The following HIVEP3 variants were observed in gnomAD, a reference collection of about 807,000 sequenced individuals.
HIVEP3 encodes the protein transcription factor HIVEP3.
In HIVEP3, 49 loss-of-function variants were observed where a neutral mutation model predicts 152.8. The observed-to-expected ratio is 0.32, with a 90% CI of 0.26 to 0.41. HIVEP3 has a LOEUF of 0.41. HIVEP3 is among the 10% of genes least tolerant of loss of function. The pLI is 1.00. For synonymous variants in HIVEP3, 1,269 were observed against 1,289.0 expected (o/e 0.98, Z 0.33); for missense variants, 2,790 against 3,103.3 (o/e 0.90, Z 2.40).
chr1:41,920,591 G>GTTT (rs370449692), upstream of HIVEP3, among the ~76,000 whole-genome samples: 64 of 115,968 alleles, frequency 5.5e-4, no homozygotes, highest in African/African-American at 2.3e-3. Context: ...TTTTTTTTTT[G>GTTT]TTTTGTTTTT....
intron 1 of HIVEP3, among the ~76,000 whole-genome samples, chr1:41,743,833 A>C (rs1021504817): frequency 1.3e-5 from 2 of 152,066 alleles, no homozygotes. Context: ...CCTTTGCGTA[A>C]ATGTGGGCAA....
intron 1 of HIVEP3, among the ~76,000 whole-genome samples, chr1:41,743,891 G>C (rs1400961462): frequency 6.6e-6 from 1 of 152,146 alleles, no homozygotes; most frequent in African/African-American, 2.4e-5. Context: ...ATGGGGGAGG[G>C]AGGGACTCCC....
At chr1:41,744,040 T>C (rs1647033898) in intron 1 of HIVEP3, among the ~76,000 whole-genome samples, 1 of 146,364 alleles carries the variant, frequency 6.8e-6, no homozygotes, top group Non-Finnish European at 1.5e-5. Flanking sequence ...CCAGCCAGCA[T>C]TTTTTTGTTT....
intron 2 of HIVEP3, among the ~76,000 whole-genome samples, chr1:41,659,892 G>A (rs755951122): frequency 9.8e-5 from 15 of 152,336 alleles, no homozygotes; most frequent in Non-Finnish European, 1.9e-4. Flanking sequence ...CGGGGACAAG[G>A]GGACATCCCC....
At chr1:41,628,218 T>A (rs1235675450) in intron 3 of HIVEP3, among the ~76,000 whole-genome samples, 1 of 152,198 alleles carries the variant, frequency 6.6e-6, no homozygotes, top group Admixed American at 6.5e-5. Context: ...TGACATCTTT[T>A]CAATTCTTCA....
intron 5 of HIVEP3, among the ~76,000 whole-genome samples, chr1:41,569,626 A>C (rs900417165): frequency 6.6e-6 from 1 of 152,190 alleles, no homozygotes; most frequent in South Asian, 2.1e-4. Context: ...ATGGATTTGT[A>C]AAAAAACTAT....
At chr1:41,607,328 T>C (rs1644835440) in intron 3 of HIVEP3, among the ~76,000 whole-genome samples, 1 of 152,232 alleles carries the variant, frequency 6.6e-6, no homozygotes, top group Admixed American at 6.5e-5. Context: ...AACATTGAAA[T>C]GACCAATCTG....
At chr1:41,746,723 C>A (rs905418281) in intron 1 of HIVEP3, among the ~76,000 whole-genome samples, 1 of 152,176 alleles carries the variant, frequency 6.6e-6, no homozygotes, top group African/African-American at 2.4e-5. Context: ...TGGAGCTTGG[C>A]CCCTTCCCCT....
intron 1 of HIVEP3, among the ~76,000 whole-genome samples, chr1:41,983,077 G>T (rs907536837): frequency 2.0e-5 from 3 of 152,154 alleles, no homozygotes; most frequent in Admixed American, 6.5e-5. Context: ...TCACAATAGG[G>T]TTCACACCCC....
intron 2 of HIVEP3, among the ~76,000 whole-genome samples, chr1:41,656,436 C>T (rs905869451): frequency 6.6e-6 from 1 of 152,204 alleles, no homozygotes; most frequent in Non-Finnish European, 1.5e-5. Context: ...CAGCTCCATA[C>T]CCTGGCCCCA....
intron 5 of HIVEP3, among the ~76,000 whole-genome samples, chr1:41,545,651 C>T (rs1348815131): frequency 7.5e-6 from 1 of 133,980 alleles, no homozygotes; most frequent in Non-Finnish European, 1.6e-5. Context: ...CCATCACCAC[C>T]ACTACCACCC....
chr1:41,997,929 G>A (rs969619931), intron 1 of HIVEP3, among the ~76,000 whole-genome samples: 1 of 152,104 alleles, frequency 6.6e-6, no homozygotes, highest in Admixed American at 6.6e-5. Context: ...GTATTTTTAT[G>A]GTTAAGCTGC....
Position 41,550,946 on chromosome 1 carries a change from C to T in HIVEP3, c.5207+24598G>A, listed in dbSNP as rs565109684. 4.9e-3 allele frequency among the ~76,000 whole-genome samples: 751 copies of T among 152,300 alleles called. 3 individuals carry two copies. Among genetic ancestry groups the T allele is most frequent in the African/African-American group, 0.017 (716 of 41,548 alleles). On this transcript the variant is annotated intron_variant, in intron 5 of 8. Transcript: ENST00000372583. The stretch of plus-strand genomic sequence containing the variant: ...GAGTGGTGAGAGAGGGCATCCCTGT[C>T]TTGTGCCAGTTTTCAAAGGGAATGC...
At chr1:41,680,766 C>T (rs1434433417) in intron 2 of HIVEP3, among the ~76,000 whole-genome samples, 1 of 152,228 alleles carries the variant, frequency 6.6e-6, no homozygotes, top group Non-Finnish European at 1.5e-5. Context: ...TCGTCTACAA[C>T]AACGTATTGT....
At chr1:41,718,060 C>A (rs544429252) in intron 1 of HIVEP3, among the ~76,000 whole-genome samples, 2 of 152,236 alleles carry the variant, frequency 1.3e-5, no homozygotes, top group Admixed American at 1.3e-4. Flanking sequence ...ATCAGAATGA[C>A]CGGTATCTTA....
intron 1 of HIVEP3, among the ~76,000 whole-genome samples, chr1:41,886,875 T>C (rs1235248341): frequency 3.3e-5 from 5 of 152,162 alleles, no homozygotes; most frequent in African/African-American, 1.2e-4. Context: ...AGTTTTCTCC[T>C]ATCAGAAATG....
intron 3 of HIVEP3, among the ~76,000 whole-genome samples, chr1:41,619,513 C>T (rs1288838608): frequency 6.6e-6 from 1 of 152,152 alleles, no homozygotes; most frequent in African/African-American, 2.4e-5. Context: ...CTCCAAGAGG[C>T]AGGTGTTTTG....
Position 41,510,570 on chromosome 1 carries a change from G to A in HIVEP3, c.7102C>T (p.Arg2368Trp), listed in dbSNP as rs200186267. The A allele has an allele frequency of 1.2e-4, 194 of 1,563,512 alleles. No individual in the cohort carries two copies. Among genetic ancestry groups the A allele is most frequent in the Non-Finnish European group, 1.5e-4 (170 of 1,154,136 alleles). ...GGTTCCCCGGAGAGGTTCCTCGTCC[G>A]GGCTGGGAAGCGGGCAGAGGCCTCT... The part of the protein sequence containing the change: ...LAEASARFPA[R>W]TRNLSGEPRT... Residue 2368 changes from arginine (R) to tryptophan (W), a missense_variant, in exon 9 of 9, where the codon CGG becomes TGG. Arg to Trp is a moderately radical substitution (Grantham distance 101). This residue lies in a region of HIVEP3 where 816 missense variants were observed against 806.5 expected (regional missense o/e 1.01). Transcript: ENST00000372583.
chr1:41,710,774 T>C (rs1163915300), intron 1 of HIVEP3, among the ~76,000 whole-genome samples: 3 of 152,140 alleles, frequency 2.0e-5, no homozygotes, highest in Non-Finnish European at 4.4e-5. Context: ...CAAGCCTGAC[T>C]CCCCAATCCC....
Sources: gnomAD v4.1 joint callset for allele counts (sites outside exome capture counted in the v4.1 genomes callset) on GRCh38, gnomAD v4.1.1 for gene constraint, gnomAD v4.1.1 regional missense constraint, MANE v1.5 for transcripts, NCBI Gene and HGNC (gene_info 2026-07-23, HGNC 2026-07-21) for gene names.